Variants in TAF6 observed in about 807,000 individuals in gnomAD.
The protein encoded by TAF6 is TATA-box binding protein associated factor 6, also known as transcription initiation factor TFIID subunit 6.
Under a neutral mutation model 73.5 loss-of-function variants are expected in TAF6, and 50 were observed. That is an observed-to-expected ratio of 0.68 (90% CI 0.54 to 0.86). The LOEUF (loss-of-function observed/expected upper bound fraction) is 0.86, where lower values mean the gene tolerates loss of function less well. Ranked by LOEUF, TAF6 falls within the 40% of genes least tolerant of loss-of-function variation. The pLI is 0.00. For missense variants in TAF6, 768 were observed against 899.5 expected, an observed-to-expected ratio of 0.85 and a Z score of 1.87; for synonymous variants, 424 against 376.7, an observed-to-expected ratio of 1.13 and a Z score of -1.45.
intron 12 of TAF6, chr7:100,108,983 A>G (rs1021857115): frequency 6.6e-6 from 1 of 152,414 alleles, no homozygotes; most frequent in African/African-American, 2.4e-5. Flanking sequence ...AGGTTGCATC[A>G]GTGCACTCCC....
intron 1 of TAF6, among the ~76,000 whole-genome samples, chr7:100,116,124 G>A (rs1382953361): frequency 2.6e-5 from 4 of 152,080 alleles, no homozygotes; most frequent in Non-Finnish European, 5.9e-5. Flanking sequence ...TATTCCTAAC[G>A]TTGCAGCCAA....
rs773025495 is a variant in TAF6 at position 100,108,127 on chromosome 7, C to T, written c.1459-4G>A. On this transcript the variant is annotated splice_polypyrimidine_tract_variant and splice_region_variant and intron_variant, in intron 13 of 14. Coordinates refer to ENST00000453269, the MANE Select transcript of TAF6 (RefSeq NM_139315.3). ...AGAGGGTCAGCGTGGGCCGGGGCTG[C>T]GGGGAGAAGAGGAAAGGGGGAAGTG... The T allele has an allele frequency of 1.1e-5, 18 of 1,590,618 alleles. No homozygotes were observed. The highest frequency in any genetic ancestry group is 7.3e-5 in the Admixed American group (4 of 54,934).
chr7:100,114,830 C>T (rs1797543004), intron 1 of TAF6, among the ~76,000 whole-genome samples: 1 of 151,834 alleles, frequency 6.6e-6, no homozygotes, highest in African/African-American at 2.4e-5. Flanking sequence ...GCCTGGACAA[C>T]ACAGTGAGAC....
chr7:100,125,562 G>A, the TAF6 span: 3 of 152,274 alleles, frequency 2.0e-5, no homozygotes, highest in African/African-American at 7.2e-5. Context: ...CTAGCTGGTC[G>A]ATGAGGCAGC....
upstream of TAF6, chr7:100,122,306 G>T: frequency 3.8e-6 from 6 of 1,599,012 alleles, no homozygotes; most frequent in African/African-American, 1.3e-5. Flanking sequence ...GAGTCGCACC[G>T]GTCGATCTCG....
Position 100,112,842 on chromosome 7 carries a change from G to T in TAF6, c.530C>A (p.Pro177His), listed in dbSNP as rs773620496. 1.2e-6 allele frequency: 2 copies of T among 1,613,882 alleles called. No homozygotes were observed. The highest frequency in any genetic ancestry group is 1.3e-5 in the African/African-American group (1 of 74,950). ...GGCCCCTTGACCTTTGCCCTTCAGG[G>T]GTCCGTCTTCCTCCTGGCCTGGCTT... The part of the protein sequence containing the change: ...SAKPGQEEDG[P>H]LKGKGQGATT... The change falls in exon 6 of 15, where the codon CCC (proline) becomes CAC (histidine). Residue 177 changes from proline to histidine, a missense_variant. Coordinates refer to ENST00000453269, the MANE Select transcript of TAF6 (RefSeq NM_139315.3).
At position 100,109,958 on chromosome 7, in the gene TAF6, C is replaced by G. The variant is rs201637591; in HGVS notation, c.1274G>C (p.Ser425Thr). The G allele has an allele frequency of 3.7e-4, 598 of 1,614,146 alleles. No individual in the cohort carries two copies. The highest frequency in any genetic ancestry group is 4.8e-4 in the Non-Finnish European group (570 of 1,180,014). The change falls in exon 12 of 15, where the codon AGC becomes ACC. Residue 425 changes from serine to threonine, a missense_variant. Physicochemically the swap from Ser to Thr is moderately conservative, Grantham distance 58. Transcript: ENST00000453269. ...IDRIGADHVQ[S>T]LLLKHCAPVL... ...AGGGGCTTCAGTCACCAGCAGGAGG[C>G]TCTGCACATGGTCTGCTCCAATCCG...
At chr7:100,120,400 G>A (rs1399863609), upstream of TAF6, 1 of 152,344 alleles carries the variant, frequency 6.6e-6, no homozygotes. Flanking sequence ...TTTGCAGACG[G>A]TGCGTACTAT....
chr7:100,109,900 A>G (rs1176609175), intron 12 of TAF6, 48 bp downstream of exon 12: 13 of 1,603,232 alleles, frequency 8.1e-6, no homozygotes, highest in African/African-American at 4.0e-5. Flanking sequence ...CTTGCTAAAC[A>G]CTGCCTGTGT....
At chr7:100,107,849 C>CTACT in intron 14 of TAF6, 77 bp downstream of exon 14, 1 of 1,516,056 alleles carries the variant, frequency 6.6e-7, no homozygotes, top group South Asian at 1.3e-5. Context: ...GGACTGTGCT[C>CTACT]TACTCCTGGG....
upstream of TAF6, chr7:100,119,543 G>T: frequency 7.3e-7 from 1 of 1,376,412 alleles, no homozygotes; most frequent in Non-Finnish European, 9.7e-7. Flanking sequence ...CCGGCTGCCA[G>T]GACCTTCAAG....
chr7:100,109,804 C>A (rs1294663615), intron 12 of TAF6, 144 bp downstream of exon 12: 2 of 1,280,990 alleles, frequency 1.6e-6, no homozygotes, highest in African/African-American at 3.0e-5. Flanking sequence ...CTCAGTCTTT[C>A]CATCTGTAAA....
rs560895711 is a variant in TAF6, at chr7:100,114,610, C to T, written c.-59-342G>A. The T allele has an allele frequency of 5.0e-5, 25 of 497,038 alleles. No individual in the cohort carries two copies. In the East Asian group the frequency reaches 7.2e-4, roughly 14 times the overall value. 30.8% of individuals were successfully genotyped at this position (497,038 alleles called of 1,614,324 possible). On this transcript the variant is annotated intron_variant, in intron 1 of 14. Coordinates refer to ENST00000453269, the MANE Select transcript of TAF6 (RefSeq NM_139315.3). ...TAGTGCACACCTGTAATCCCAGCTACTAGGGAGACTAAGGCACGAGAATCA... is the reference window on the plus strand; with the variant it reads ...TAGTGCACACCTGTAATCCCAGCTATTAGGGAGACTAAGGCACGAGAATCA...
intron 12 of TAF6, chr7:100,108,872 A>C: frequency 4.9e-6 from 1 of 202,076 alleles, no homozygotes; most frequent in Non-Finnish European, 1.0e-5. Flanking sequence ...AAAAATACAA[A>C]AACTAGCCAG....
intron 1 of TAF6, 106 bp from the exon 2 acceptor site, chr7:100,114,374 T>C (rs1211666216): frequency 4.8e-5 from 55 of 1,140,798 alleles, no homozygotes; most frequent in Non-Finnish European, 6.9e-5. Context: ...GAGTGTCTTA[T>C]GTCCATCCCC....
At position 100,107,436 on chromosome 7, in the gene TAF6, C is replaced by T; in HGVS notation, c.1844G>A (p.Gly615Glu). 6.2e-7 allele frequency: 1 copy of T among 1,611,766 alleles called. No individual in the cohort carries two copies. Among genetic ancestry groups the T allele is most frequent in the South Asian group, 1.1e-5 (1 of 91,008 alleles). ...KYIVVSLPPT[G>E]EGKGGPTSHP... ...GGAGGTGGGGCCTCCTTTGCCCTCCCCTGTTGGGGGAAGTGAGACCACGAT... is the reference window on the plus strand; with the variant it reads ...GGAGGTGGGGCCTCCTTTGCCCTCCTCTGTTGGGGGAAGTGAGACCACGAT... Residue 615 changes from glycine (G) to glutamate (E), a missense_variant, in exon 15 of 15, where the codon GGG (glycine) becomes GAG (glutamate). Gly to Glu is a moderately conservative substitution (Grantham distance 98, BLOSUM62 -2). Transcript: ENST00000453269.
the TAF6 span, chr7:100,127,158 C>CGGGGCCCGA: frequency 1.9e-6 from 1 of 533,460 alleles, no homozygotes; most frequent in Non-Finnish European, 3.3e-6. This position sits in a 1 kb window ranked among gnomAD's most constrained non-coding sequence, Gnocchi z 4.6. Context: ...CGGAATGGGG[C>CGGGGCCCGA]GGGGGCCGAG....
rs779497965 is a variant in TAF6 at position 100,111,259 on chromosome 7, T to C, written c.963A>G (p.Pro321=). 1.9e-6 allele frequency: 3 copies of C among 1,614,216 alleles called. No homozygotes were observed. The highest frequency in any genetic ancestry group is 1.7e-4 in the Middle Eastern group (1 of 6,060). Residue 321 remains proline, a synonymous_variant, in exon 10 of 15, where the codon CCA becomes CCG. Coordinates refer to ENST00000453269, the MANE Select transcript of TAF6 (RefSeq NM_139315.3). ...GGAGTGCCCAGTGATTGTCCACATC[T>C]GGTCGCAGGCACAACTGTCTGCTCA... is the stretch of plus-strand genomic sequence containing the variant. ...CIVSRQLCLR[P]DVDNHWALRD...
upstream of TAF6, chr7:100,122,734 G>A (rs1412883661): frequency 6.3e-7 from 1 of 1,584,808 alleles, no homozygotes; most frequent in Non-Finnish European, 8.6e-7. Flanking sequence ...AAAGGGGAAG[G>A]GAGGGGTGGG....
Sources: gnomAD v4.1 joint callset for allele counts (sites outside exome capture counted in the v4.1 genomes callset) on GRCh38, gnomAD v4.1.1 for gene constraint, Gnocchi (gnomAD v3.1) non-coding constraint, MANE v1.5 for transcripts, NCBI Gene and HGNC (gene_info 2026-07-23, HGNC 2026-07-21) for gene names.